The following TRIM25 variants were observed in gnomAD, a reference collection of about 807,000 sequenced individuals.
TRIM25 encodes E3 ubiquitin/ISG15 ligase TRIM25.
Under a neutral mutation model 65.2 loss-of-function variants are expected in TRIM25, and 45 were observed. The ratio of observed to expected loss-of-function variants is 0.69; its 90% CI spans 0.54 to 0.89. TRIM25 has a LOEUF of 0.89. Ranked by LOEUF, TRIM25 falls within the 40% of genes least tolerant of loss-of-function variation. TRIM25 has a pLI of 0.00. For missense variants in TRIM25, 714 were observed against 803.7 expected (o/e 0.89, Z 1.35); for synonymous variants, 321 against 340.4 (o/e 0.94, Z 0.63).
At position 56,904,357 on chromosome 17, in the gene TRIM25, GTCAAACTTGCTGTTGACCC is replaced by G; in HGVS notation, c.806_824del (p.Arg269ThrfsTer17). The stretch of plus-strand genomic sequence containing the variant: ...TCTTGAGGAGAATCTGATAAATGGT[GTCAAACTTGCTGTTGACCC>G]TCTTCTCCTCTTCCTTTATCTTCCT... On this transcript the variant is annotated frameshift_variant, in exon 3 of 9. Coordinates refer to ENST00000316881, the MANE Select transcript of TRIM25 (RefSeq NM_005082.5). LOFTEE classifies it high-confidence loss of function. The G allele has an allele frequency of 6.2e-7, 1 of 1,614,108 alleles. No homozygotes were observed. The highest frequency in any genetic ancestry group is 8.5e-7 in the Non-Finnish European group (1 of 1,180,038).
intron 1 of TRIM25, among the ~76,000 whole-genome samples, chr17:56,911,046 C>T (rs1283738090): frequency 1.3e-5 from 2 of 152,162 alleles, no homozygotes; most frequent in African/African-American, 4.8e-5. Context: ...GGGAGGATCC[C>T]TTGAGGTTGG....
chr17:56,899,717 T>C (rs912526582), intron 4 of TRIM25, among the ~76,000 whole-genome samples: 1 of 152,126 alleles, frequency 6.6e-6, no homozygotes, highest in Admixed American at 6.5e-5. Context: ...AAGCCCAATC[T>C]TGGACTACAC....
At chr17:56,894,721 T>C (rs1181962146) in intron 8 of TRIM25, among the ~76,000 whole-genome samples, 1 of 151,892 alleles carries the variant, frequency 6.6e-6, no homozygotes, top group South Asian at 2.1e-4. Flanking sequence ...TGGAAAGGCC[T>C]AAGAGAGAGC....
At chr17:56,892,842 C>G (rs1380344627) in intron 8 of TRIM25, among the ~76,000 whole-genome samples, 1 of 152,188 alleles carries the variant, frequency 6.6e-6, no homozygotes, top group African/African-American at 2.4e-5. Flanking sequence ...GTTCACACTC[C>G]AACAAGCAAG....
chr17:56,896,461 A>C (rs1909295744), intron 5 of TRIM25, among the ~76,000 whole-genome samples: 1 of 151,234 alleles, frequency 6.6e-6, no homozygotes, highest in Admixed American at 6.6e-5. Context: ...AGAAACTAGC[A>C]TGGGCAACAT....
intron 3 of TRIM25, 81 bp downstream of exon 3, chr17:56,904,174 C>T (rs1909470716): frequency 4.9e-6 from 6 of 1,226,324 alleles, no homozygotes; most frequent in Non-Finnish European, 4.6e-6. Context: ...GTCTCCCGCT[C>T]CTTGAGGGCC....
At chr17:56,903,925 T>C (rs954943824) in intron 3 of TRIM25, among the ~76,000 whole-genome samples, 2 of 152,246 alleles carry the variant, frequency 1.3e-5, no homozygotes, top group East Asian at 3.9e-4. Context: ...AACAACCACA[T>C]GAGCCTGGAA....
intron 3 of TRIM25, among the ~76,000 whole-genome samples, chr17:56,902,579 C>T (rs1909434699): frequency 6.6e-6 from 1 of 152,204 alleles, no homozygotes; most frequent in East Asian, 1.9e-4. Context: ...CCCACACCCA[C>T]TGTGTCTGGG....
At chr17:56,897,417 T>C (rs1423310063) in intron 5 of TRIM25, among the ~76,000 whole-genome samples, 1 of 151,662 alleles carries the variant, frequency 6.6e-6, no homozygotes, top group African/African-American at 2.4e-5. Context: ...GCCCCCTTGC[T>C]ACCGCTTCTC....
At position 56,902,232 on chromosome 17, in the gene TRIM25, C is replaced by G. The variant is rs537635486; in HGVS notation, c.928-654G>C. Among the ~76,000 whole-genome samples, 5 of 152,236 alleles carry G rather than the reference C, an allele frequency of 3.3e-5. No homozygotes were observed. The South Asian group carries it at 1.0e-3, about 32-fold the overall frequency. ...GCCTCAGTGCACAGAGACAAGGTTC[C>G]CATTCACTCCTGCACTGTCTCCCCA... On this transcript the variant is annotated intron_variant, in intron 3 of 8. Transcript: ENST00000316881.
chr17:56,901,467 C>T lies in TRIM25; in HGVS notation c.1039G>A (p.Glu347Lys), dbSNP rs772478621. Residue 347 changes from glutamate (E) to lysine (K), a missense_variant, in exon 4 of 9, where the codon GAG becomes AAG. Physicochemically the swap from Glu to Lys is moderately conservative, Grantham distance 56. Around this residue, in one of 3 missense-constraint regions of TRIM25, gnomAD observed 413 missense variants for 498.2 expected, o/e 0.83. Coordinates refer to ENST00000316881, the MANE Select transcript of TRIM25 (RefSeq NM_005082.5). Reference sequence around the variant, plus strand: ...AGCCGCCCGATGCACTGCTTCAGCTCGTTTTTGAGGTCTATGGTGCTCTGG... The same window carrying T: ...AGCCGCCCGATGCACTGCTTCAGCTTGTTTTTGAGGTCTATGGTGCTCTGG... ...IHQSTIDLKNELKQCIGRLQE... is the reference protein window; with the variant it reads ...IHQSTIDLKNKLKQCIGRLQE... The T allele has an allele frequency of 7.4e-6, 12 of 1,614,084 alleles. No homozygotes were observed. The highest frequency in any genetic ancestry group is 1.7e-4 in the Middle Eastern group (1 of 6,058).
In TRIM25 at chr17:56,913,980, C is replaced by T; in HGVS notation, c.9G>A (p.Glu3=). 1 of 1,560,618 alleles carries T rather than the reference C, an allele frequency of 6.4e-7. No homozygotes were observed. The highest frequency in any genetic ancestry group is 8.7e-7 in the Non-Finnish European group (1 of 1,150,506). Residue 3 remains glutamate (E), a synonymous_variant, in exon 1 of 9, where the codon GAG becomes GAA. Transcript: ENST00000316881. This position sits in a 1 kb window ranked among gnomAD's most constrained non-coding sequence, Gnocchi z 6.1. The part of the protein sequence containing the change: MA[E]LCPLAEELSC... ...ACAGCTCCTCGGCCAGGGGGCACAG[C>T]TCTGCCATGGCGCTCCCAGGGGTCG...
chr17:56,899,720 G>T (rs942694815), intron 4 of TRIM25, among the ~76,000 whole-genome samples: 3 of 152,222 alleles, frequency 2.0e-5, no homozygotes, highest in Non-Finnish European at 4.4e-5. Flanking sequence ...CCCAATCTTG[G>T]ACTACACAAC....
At chr17:56,905,720 G>T (rs1310653214) in intron 2 of TRIM25, among the ~76,000 whole-genome samples, 1 of 152,176 alleles carries the variant, frequency 6.6e-6, no homozygotes, top group Non-Finnish European at 1.5e-5. Context: ...CACCTTGGGA[G>T]ACCGAGGCAG....
At position 56,901,388 on chromosome 17, in the gene TRIM25, A is replaced by G; in HGVS notation, c.1087+31T>C. The G allele has an allele frequency of 2.5e-6, 4 of 1,605,088 alleles. No individual in the cohort carries two copies. The South Asian group carries it at 3.3e-5, about 13-fold the overall frequency. On this transcript the variant is annotated intron_variant, in intron 4 of 8. Coordinates refer to ENST00000316881, the MANE Select transcript of TRIM25 (RefSeq NM_005082.5). Reference sequence around the variant, plus strand: ...GACCCATCGGGTTGCAGGGTTCCACAGGGGGCAGCATAGGGGGCTGCTAAG... The same window carrying G: ...GACCCATCGGGTTGCAGGGTTCCACGGGGGGCAGCATAGGGGGCTGCTAAG...
chr17:56,900,001 G>T (rs1011461838), intron 4 of TRIM25, among the ~76,000 whole-genome samples: 2 of 152,092 alleles, frequency 1.3e-5, no homozygotes, highest in East Asian at 1.9e-4. Context: ...ATTACTTGAG[G>T]TCGAGAGTTC....
rs1252742306 is a variant in TRIM25, at chr17:56,892,050, C to A, written c.1543G>T (p.Glu515Ter). 9.9e-6 allele frequency: 16 copies of A among 1,614,064 alleles called. No individual in the cohort carries two copies. Among genetic ancestry groups the A allele is most frequent in the Non-Finnish European group, 1.2e-5 (14 of 1,180,038 alleles). The change falls in exon 9 of 9, where the codon GAG (glutamate) becomes TAG (stop). Residue 515 changes from glutamate (E) to a stop codon, truncating the protein, a stop_gained. Transcript: ENST00000316881. LOFTEE classifies it high-confidence loss of function. ...AAGTTGTTCTTCTGCAGCTCCACCTCCCAGTAGTGGATCCCCTTCTTGTAG... is the reference window on the plus strand; with the variant it reads ...AAGTTGTTCTTCTGCAGCTCCACCTACCAGTAGTGGATCCCCTTCTTGTAG... Reference protein sequence around the residue: ...HCYKKGIHYWEVELQKNNFCG... With the variant: ...HCYKKGIHYW
chr17:56,911,236 C>A (rs908354515), intron 1 of TRIM25, among the ~76,000 whole-genome samples: 1 of 151,738 alleles, frequency 6.6e-6, no homozygotes, highest in Non-Finnish European at 1.5e-5. Context: ...CTACTGTAGT[C>A]CAGCCTGGGT....
Position 56,901,567 on chromosome 17 carries a change from T to C in TRIM25, c.939A>G (p.Lys313=), listed in dbSNP as rs1306360224. ...DEFEFLEKAS[K]LRGISTKPVY... is the part of the protein sequence containing the mutation. The stretch of plus-strand genomic sequence containing the variant: ...CTGGCTTTGTTGAGATTCCTCGCAG[T>C]TTTGATGCTTTCTGGAACATGCCAG... The change falls in exon 4 of 9, where the codon AAA becomes AAG. Residue 313 remains lysine (K), a synonymous_variant. Transcript: ENST00000316881. 4.3e-6 allele frequency: 7 copies of C among 1,614,016 alleles called. No individual in the cohort carries two copies. Among genetic ancestry groups the C allele is most frequent in the Non-Finnish European group, 5.9e-6 (7 of 1,180,000 alleles).
Sources: allele counts gnomAD v4.1 joint callset (sites outside exome capture counted in the v4.1 genomes callset), GRCh38; gene constraint gnomAD v4.1.1; regional missense constraint gnomAD v4.1.1; non-coding constraint Gnocchi (gnomAD v3.1); transcripts MANE v1.5; gene names NCBI Gene and HGNC (gene_info 2026-07-23, HGNC 2026-07-21).